The following TTLL11 variants were observed in gnomAD, a reference collection of about 807,000 sequenced individuals.
The protein encoded by TTLL11 is tubulin polyglutamylase TTLL11.
Under a neutral mutation model 51.7 loss-of-function variants are expected in TTLL11, and 42 were observed. The ratio of observed to expected loss-of-function variants is 0.81; its 90% CI spans 0.64 to 1.05. The LOEUF (loss-of-function observed/expected upper bound fraction) is 1.05, where lower values mean the gene tolerates loss of function less well. Among genes scored for constraint, TTLL11 ranks in the 50% least tolerant of loss-of-function variants. The probability of loss-of-function intolerance (pLI) is 0.00; values close to 1 mark genes in which losing one functional copy is unlikely to be tolerated. For synonymous variants in TTLL11, 381 were observed against 383.5 expected (o/e 0.99, Z 0.08); for missense variants, 799 against 940.4 (o/e 0.85, Z 1.97).
chr9:122,039,232 C>T (rs1844778573), intron 2 of TTLL11, 40 bp downstream of exon 2: 1 of 1,544,826 alleles, frequency 6.5e-7, no homozygotes. Flanking sequence ...GAGACTTGGC[C>T]CTAGAAACAT....
intron 3 of TTLL11, among the ~76,000 whole-genome samples, chr9:121,991,372 G>A (rs1255083898): frequency 6.6e-6 from 1 of 152,232 alleles, no homozygotes; most frequent in Non-Finnish European, 1.5e-5. Context: ...ATCCGAGAAT[G>A]GAACTTCACA....
At chr9:121,947,623 G>A (rs759981957) in intron 6 of TTLL11, among the ~76,000 whole-genome samples, 9 of 152,028 alleles carry the variant, frequency 5.9e-5, no homozygotes, top group Admixed American at 1.3e-4. Flanking sequence ...CCCTGGAAGT[G>A]CTCCCTATCT....
intron 3 of TTLL11, among the ~76,000 whole-genome samples, chr9:122,000,780 T>C (rs1247157195): frequency 6.6e-6 from 1 of 152,228 alleles, no homozygotes; most frequent in Admixed American, 6.5e-5. Flanking sequence ...ATTTGTCTAC[T>C]TTCTTAATAA....
At chr9:121,884,330 G>T (rs1398683849) in intron 6 of TTLL11, among the ~76,000 whole-genome samples, 9 of 152,186 alleles carry the variant, frequency 5.9e-5, no homozygotes, top group African/African-American at 2.2e-4. Context: ...CAACAGGAAT[G>T]TGGTGGGCAT....
chr9:122,002,944 CAAAA>C lies in TTLL11; in HGVS notation c.694-13178_694-13175del, dbSNP rs547408355. Among the ~76,000 whole-genome samples, 4 of 61,248 alleles carry C rather than the reference CAAAA, an allele frequency of 6.5e-5. 1 individual carries two copies. Among genetic ancestry groups the C allele is most frequent in the African/African-American group, 2.5e-4 (3 of 11,884 alleles). 40.2% of individuals were successfully genotyped at this position (61,248 alleles called of 152,430 possible). A position where few individuals can be genotyped will look rare whatever the true frequency, so the allele number is the denominator to read the frequency against. On this transcript the variant is annotated intron_variant, in intron 3 of 8. Coordinates refer to ENST00000321582, the MANE Select transcript of TTLL11 (RefSeq NM_001139442.2). ...CTGGCAACAGAGTGAGACTCTGTCT[CAAAA>C]AAAAAAAAAAAAAAAAGAGATCCCC...
intron 3 of TTLL11, among the ~76,000 whole-genome samples, chr9:122,009,618 G>T (rs747060947): frequency 7.4e-4 from 112 of 151,206 alleles, no homozygotes; most frequent in Admixed American, 2.2e-3. Context: ...TATACATAAA[G>T]AACACATATA....
intron 4 of TTLL11, among the ~76,000 whole-genome samples, chr9:121,986,069 C>G (rs1443109176): frequency 1.3e-5 from 2 of 152,206 alleles, no homozygotes; most frequent in East Asian, 3.9e-4. Context: ...GCGTCTCCCC[C>G]CATGCTCCTC....
At chr9:121,885,509 C>T (rs1174454673) in intron 6 of TTLL11, 1 of 152,232 alleles carries the variant, frequency 6.6e-6, no homozygotes, top group Admixed American at 6.5e-5. Context: ...ATTTGATTCT[C>T]ACCACGACCC....
chr9:122,066,051 G>A (rs1845574163), intron 1 of TTLL11, among the ~76,000 whole-genome samples: 1 of 151,956 alleles, frequency 6.6e-6, no homozygotes, highest in South Asian at 2.1e-4. Flanking sequence ...GAAGGAGGGG[G>A]AGTGTTAATG....
At chr9:121,922,531 C>T (rs1424341194) in intron 6 of TTLL11, among the ~76,000 whole-genome samples, 2 of 152,114 alleles carry the variant, frequency 1.3e-5, no homozygotes, top group Non-Finnish European at 2.9e-5. Flanking sequence ...ACTCTAGTGC[C>T]CCTAGAATTA....
chr9:121,873,639 CCTCTCTTCTTCTTCTTCT>C (rs1397381509), intron 6 of TTLL11, among the ~76,000 whole-genome samples: 39 of 48,866 alleles, frequency 8.0e-4, no homozygotes, highest in African/African-American at 2.1e-3. Context: ...TCCTCCTCCT[CCTCTCTTCTTCTTCTTCT>C]TCTTCTTCTT....
chr9:122,061,412 A>C (rs1845429387), intron 1 of TTLL11, among the ~76,000 whole-genome samples: 1 of 152,174 alleles, frequency 6.6e-6, no homozygotes, highest in Non-Finnish European at 1.5e-5. Context: ...CAGTTTTTCC[A>C]TTACACAGAA....
At chr9:121,858,753 C>T (rs923239565) in intron 8 of TTLL11, among the ~76,000 whole-genome samples, 1 of 152,242 alleles carries the variant, frequency 6.6e-6, no homozygotes, top group Non-Finnish European at 1.5e-5. Flanking sequence ...CAGAGCCACC[C>T]TGGAGAGCAG....
rs191108354 is a variant in TTLL11 at position 121,964,134 on chromosome 9, C to T, written c.1481+9875G>A. On this transcript the variant is annotated intron_variant, in intron 6 of 8. Transcript: ENST00000321582. ...GATAGAAAAACAACTCCATAACAAACCTGCTCATGGACCCCCGACCCTGAA... is the reference window on the plus strand; with the variant it reads ...GATAGAAAAACAACTCCATAACAAATCTGCTCATGGACCCCCGACCCTGAA... 2.2e-3 allele frequency among the ~76,000 whole-genome samples: 327 copies of T among 151,742 alleles called. 4 individuals are homozygous for T. Among genetic ancestry groups the T allele is most frequent in the Non-Finnish European group, 2.1e-3 (140 of 67,940 alleles).
chr9:121,829,994 G>C (rs886559533), intron 8 of TTLL11, among the ~76,000 whole-genome samples: 1 of 152,158 alleles, frequency 6.6e-6, no homozygotes, highest in African/African-American at 2.4e-5. Flanking sequence ...ATGAGACTCT[G>C]CTCCTACAGG....
chr9:121,845,029 G>A (rs375897604), intron 8 of TTLL11, among the ~76,000 whole-genome samples: 7 of 150,714 alleles, frequency 4.6e-5, no homozygotes, highest in African/African-American at 7.3e-5. Flanking sequence ...ACAGAAAACC[G>A]TGCAGGACAA....
At chr9:121,920,057 T>C (rs1477166541) in intron 6 of TTLL11, among the ~76,000 whole-genome samples, 2 of 151,832 alleles carry the variant, frequency 1.3e-5, no homozygotes, top group East Asian at 3.9e-4. Context: ...ACTCAAGCAC[T>C]TTGGGAGACT....
intron 6 of TTLL11, among the ~76,000 whole-genome samples, chr9:121,906,645 T>C (rs550751020): frequency 6.6e-6 from 1 of 151,836 alleles, no homozygotes; most frequent in East Asian, 1.9e-4. Context: ...TTGCTGGGAA[T>C]CCTATGTGTA....
intron 3 of TTLL11, among the ~76,000 whole-genome samples, chr9:122,011,296 A>C (rs1168624254): frequency 1.3e-5 from 2 of 152,204 alleles, no homozygotes; most frequent in Non-Finnish European, 2.9e-5. Context: ...TGTCTTTATC[A>C]GTAGCATGAA....
Sources: gnomAD v4.1 joint callset for allele counts (sites outside exome capture counted in the v4.1 genomes callset) on GRCh38, gnomAD v4.1.1 for gene constraint, MANE v1.5 for transcripts, NCBI Gene and HGNC (gene_info 2026-07-23, HGNC 2026-07-21) for gene names.